Variants in HIVEP3 observed in about 807,000 individuals in gnomAD.
HIVEP3 encodes the protein HIVEP zinc finger 3, also known as transcription factor HIVEP3.
HIVEP3 carries 49 observed loss-of-function variants against 152.8 expected under a neutral mutation model. The ratio of observed to expected loss-of-function variants is 0.32; its 90% CI spans 0.26 to 0.41. HIVEP3 has a LOEUF of 0.41. Ranked by LOEUF, HIVEP3 falls within the 10% of genes least tolerant of loss-of-function variation. The pLI, the probability that HIVEP3 is intolerant of heterozygous loss-of-function variation, is 1.00. For synonymous variants in HIVEP3, 1,269 were observed against 1,289.0 expected, an observed-to-expected ratio of 0.98 and a Z score of 0.33; for missense variants, 2,790 against 3,103.3, an observed-to-expected ratio of 0.90 and a Z score of 2.40.
intron 1 of HIVEP3, among the ~76,000 whole-genome samples, chr1:42,033,766 A>G (rs1040441303): frequency 6.6e-6 from 1 of 152,206 alleles, no homozygotes; most frequent in Non-Finnish European, 1.5e-5. Context: ...GCAGAATATC[A>G]TATTGTACAG....
intron 1 of HIVEP3, among the ~76,000 whole-genome samples, chr1:41,846,001 T>C (rs559303539): frequency 2.6e-5 from 4 of 152,276 alleles, no homozygotes; most frequent in East Asian, 1.9e-4. Context: ...CGGGAGACAG[T>C]TGCAGTGAGC....
Position 41,581,070 on chromosome 1 carries a change from T to G in HIVEP3, c.3728A>C (p.Gln1243Pro), listed in dbSNP as rs962938007. The G allele has an allele frequency of 1.9e-6, 3 of 1,557,748 alleles. No homozygotes were observed. ...AGGGAGCTGAAGTGCAAACTGGGAT[T>G]GCAGAGGCAGGAAAAACCCAGAAGA... Reference protein sequence around the residue: ...ALSSGFFLPLQSQFALQLPGD... With the variant: ...ALSSGFFLPLPSQFALQLPGD... The change falls in exon 4 of 9, where the codon CAA (glutamine) becomes CCA (proline). Residue 1243 changes from glutamine to proline, a missense_variant. By Grantham distance (76) the Gln-to-Pro change is moderately conservative (BLOSUM62 -1). Transcript: ENST00000372583. This position sits in a 1 kb window ranked among gnomAD's most constrained non-coding sequence, Gnocchi z 4.5.
chr1:42,011,617 C>T (rs777696965), intron 1 of HIVEP3, among the ~76,000 whole-genome samples: 29 of 152,188 alleles, frequency 1.9e-4, no homozygotes, highest in Admixed American at 5.9e-4. Context: ...CCATCAACTG[C>T]CTTCTTTCCA....
chr1:41,540,413 G>T (rs1449024857), intron 5 of HIVEP3, among the ~76,000 whole-genome samples: 1 of 152,210 alleles, frequency 6.6e-6, no homozygotes, highest in Non-Finnish European at 1.5e-5. Flanking sequence ...GAAGGCAGTT[G>T]GTTGGCATCT....
rs145080185 is a variant in HIVEP3, at chr1:41,738,576, G to A, written c.-800-37581C>T. On this transcript the variant is annotated intron_variant, in intron 1 of 8. Coordinates refer to ENST00000372583, the MANE Select transcript of HIVEP3 (RefSeq NM_024503.5). ...AAGCAGAAAGATAGTAGAGTCTGAG[G>A]CATCAGGTGACTTGCTCAAGTTCCC... is the stretch of plus-strand genomic sequence containing the variant. 3.9e-3 allele frequency among the ~76,000 whole-genome samples: 598 copies of A among 152,242 alleles called. 5 individuals are homozygous for A. The highest frequency in any genetic ancestry group is 0.014 in the African/African-American group (582 of 41,538).
intron 1 of HIVEP3, among the ~76,000 whole-genome samples, chr1:41,822,620 G>T (rs1270236512): frequency 2.6e-5 from 4 of 152,196 alleles, no homozygotes; most frequent in Admixed American, 2.6e-4. Flanking sequence ...GAAGCTTCAA[G>T]AAGGCAGTTC....
intron 1 of HIVEP3, among the ~76,000 whole-genome samples, chr1:41,822,606 G>A (rs1008863864): frequency 2.0e-5 from 3 of 152,178 alleles, no homozygotes; most frequent in East Asian, 3.9e-4. Context: ...TATCTGTCAC[G>A]GAAGAAGCTT....
intron 1 of HIVEP3, among the ~76,000 whole-genome samples, chr1:41,829,267 T>G (rs1642892782): frequency 6.6e-6 from 1 of 152,278 alleles, no homozygotes; most frequent in Non-Finnish European, 1.5e-5. Context: ...CACACATTTA[T>G]AGAAGTCCAG....
At chr1:41,914,938 T>C (rs1372411060) in intron 1 of HIVEP3, among the ~76,000 whole-genome samples, 4 of 152,252 alleles carry the variant, frequency 2.6e-5, no homozygotes, top group Non-Finnish European at 4.4e-5. Context: ...TAGTATTAAA[T>C]GTTAGAACAT....
In HIVEP3 at chr1:41,569,566, A is replaced by C. The variant is rs561227796; in HGVS notation, c.5207+5978T>G. On this transcript the variant is annotated intron_variant, in intron 5 of 8. Coordinates refer to ENST00000372583, the MANE Select transcript of HIVEP3 (RefSeq NM_024503.5). ...AAAATGGGACTAGGCACAGCAGATG[A>C]TTAGGCTGAAAATCATGCTACACTT... is the stretch of plus-strand genomic sequence containing the variant. Among the ~76,000 whole-genome samples the C allele has an allele frequency of 8.5e-5, 13 of 152,372 alleles. No individual in the cohort carries two copies. In the South Asian group the frequency reaches 1.4e-3, roughly 17 times the overall value.
At chr1:41,866,223 T>A (rs2124406465) in intron 1 of HIVEP3, among the ~76,000 whole-genome samples, 1 of 152,130 alleles carries the variant, frequency 6.6e-6, no homozygotes, top group South Asian at 2.1e-4. Context: ...CAGGGAGGGG[T>A]CAGGCTCTAG....
chr1:41,521,373 C>T (rs1409914365), intron 6 of HIVEP3, among the ~76,000 whole-genome samples: 3 of 152,212 alleles, frequency 2.0e-5, no homozygotes, highest in East Asian at 3.9e-4. Flanking sequence ...ACCAGGGAGC[C>T]CCCCATAGGC....
At chr1:41,750,229 CA>C (rs1159161179) in intron 1 of HIVEP3, among the ~76,000 whole-genome samples, 1 of 152,242 alleles carries the variant, frequency 6.6e-6, no homozygotes, top group African/African-American at 2.4e-5. Context: ...AATAAACCTA[CA>C]ACACCTCGCC....
chr1:41,618,977 C>T (rs1442463529), intron 3 of HIVEP3, among the ~76,000 whole-genome samples: 2 of 152,232 alleles, frequency 1.3e-5, no homozygotes, highest in Non-Finnish European at 2.9e-5. Context: ...TGATCTGTCA[C>T]ATCACTGCCT....
intron 1 of HIVEP3, among the ~76,000 whole-genome samples, chr1:41,740,690 C>T (rs529088302): frequency 5.2e-5 from 8 of 152,388 alleles, no homozygotes; most frequent in South Asian, 2.1e-4. Flanking sequence ...TGACAACCAA[C>T]GTGTGGGGGG....
chr1:41,714,902 C>CT (rs924470826), intron 1 of HIVEP3, among the ~76,000 whole-genome samples: 13 of 152,100 alleles, frequency 8.5e-5, no homozygotes, highest in African/African-American at 3.1e-4. Context: ...AAGGAGTTTT[C>CT]TGGGGGGAGG....
intron 1 of HIVEP3, among the ~76,000 whole-genome samples, chr1:41,998,058 G>A (rs1377562116): frequency 6.6e-6 from 1 of 151,936 alleles, no homozygotes; most frequent in Non-Finnish European, 1.5e-5. Context: ...TAATGGATGT[G>A]TTTGTAAAAT....
chr1:41,915,666 T>C (rs562601207), intron 1 of HIVEP3, among the ~76,000 whole-genome samples: 190 of 152,372 alleles, frequency 1.2e-3, no homozygotes, highest in African/African-American at 4.3e-3. Flanking sequence ...GAGTTCCAGA[T>C]TGTTGTGGTA....
intron 6 of HIVEP3, among the ~76,000 whole-genome samples, chr1:41,518,934 G>T (rs1001741177): frequency 9.9e-5 from 15 of 151,246 alleles, no homozygotes; most frequent in African/African-American, 3.4e-4. Context: ...CCCATTGACC[G>T]GCATGACGGG....
Sources: allele counts gnomAD v4.1 joint callset (sites outside exome capture counted in the v4.1 genomes callset), GRCh38; gene constraint gnomAD v4.1.1; non-coding constraint Gnocchi (gnomAD v3.1); transcripts MANE v1.5; gene names NCBI Gene and HGNC (gene_info 2026-07-23, HGNC 2026-07-21).